DPY19L3: variants seen among roughly 807,000 people sequenced by gnomAD.
DPY19L3 encodes dpy-19 like C-mannosyltransferase 3, also known as protein C-mannosyl-transferase DPY19L3.
In DPY19L3, 51 loss-of-function variants were observed where a neutral mutation model predicts 92.3. The observed-to-expected ratio is 0.55, with a 90% CI of 0.44 to 0.70. DPY19L3 has a LOEUF of 0.70. Ranked by LOEUF, DPY19L3 falls within the 30% of genes least tolerant of loss-of-function variation. The pLI is 0.00. For missense variants in DPY19L3, 706 were observed against 855.9 expected, an observed-to-expected ratio of 0.82 and a Z score of 2.18; for synonymous variants, 309 against 315.2, an observed-to-expected ratio of 0.98 and a Z score of 0.21.
chr19:32,454,877 T>C (rs1969817583), intron 9 of DPY19L3, 62 bp from the exon 10 acceptor site: 1 of 1,089,582 alleles, frequency 9.2e-7, no homozygotes, highest in African/African-American at 1.6e-5. Flanking sequence ...TAAGCTCATC[T>C]TCAGTGTTTA....
At chr19:32,459,635 A>G (rs1289938602) in intron 12 of DPY19L3, among the ~76,000 whole-genome samples, 3 of 152,218 alleles carry the variant, frequency 2.0e-5, no homozygotes, top group Admixed American at 6.5e-5. Flanking sequence ...GCAAGTGTCA[A>G]CAGGACTCTG....
chr19:32,424,841 C>A (rs1968703885), intron 3 of DPY19L3, among the ~76,000 whole-genome samples: 1 of 152,164 alleles, frequency 6.6e-6, no homozygotes, highest in Non-Finnish European at 1.5e-5. Flanking sequence ...ACTTACTATA[C>A]AGCCACAGTA....
chr19:32,421,559 A>G (rs937255023), intron 3 of DPY19L3, among the ~76,000 whole-genome samples: 6 of 148,606 alleles, frequency 4.0e-5, no homozygotes, highest in African/African-American at 1.5e-4. Context: ...ACCTGGGAGG[A>G]GGAGGTTGCA....
intron 3 of DPY19L3, chr19:32,412,953 G>A (rs1393639798): frequency 6.6e-6 from 1 of 151,830 alleles, no homozygotes; most frequent in Non-Finnish European, 1.5e-5. Context: ...AAAAAGTTGA[G>A]GGGGTGGTCT....
chr19:32,479,854 C>G (rs1022026305), intron 17 of DPY19L3, among the ~76,000 whole-genome samples: 4 of 152,186 alleles, frequency 2.6e-5, no homozygotes, highest in Non-Finnish European at 4.4e-5. Context: ...GCAGTGGGGT[C>G]TCTCAATTAG....
chr19:32,476,755 A>G (rs962331004), intron 16 of DPY19L3, among the ~76,000 whole-genome samples: 3 of 152,224 alleles, frequency 2.0e-5, no homozygotes, highest in African/African-American at 4.8e-5. Context: ...TAAACTGCAT[A>G]TAGTTTCTCA....
At chr19:32,459,281 G>A (rs1395683555) in intron 12 of DPY19L3, among the ~76,000 whole-genome samples, 1 of 152,156 alleles carries the variant, frequency 6.6e-6, no homozygotes, top group Non-Finnish European at 1.5e-5. Context: ...TAAACTGAAA[G>A]AAAATTAAGT....
chr19:32,463,503 C>T lies in DPY19L3; in HGVS notation c.1445+15C>T, dbSNP rs1470355134. The T allele has an allele frequency of 1.2e-6, 2 of 1,606,814 alleles. No individual in the cohort carries two copies. Among genetic ancestry groups the T allele is most frequent in the Non-Finnish European group, 1.7e-6 (2 of 1,176,332 alleles). The stretch of plus-strand genomic sequence containing the variant: ...AGTACAATGAGGTATTTTTGTCTTA[C>T]CTGTTTGTTTACTTTTTATTTGATC... On this transcript the variant is annotated intron_variant, in intron 13 of 18. Coordinates refer to ENST00000392250, the MANE Select transcript of DPY19L3 (RefSeq NM_001172774.2).
rs182995154 is a variant in DPY19L3, at chr19:32,410,186, A to C, written c.104-1053A>C. On this transcript the variant is annotated intron_variant, in intron 2 of 18. Coordinates refer to ENST00000392250, the MANE Select transcript of DPY19L3 (RefSeq NM_001172774.2). ...CATTTCTTTAACATTAATGAATTTA[A>C]ACATCTTCAGTCTGTTATTATTATT... Among the ~76,000 whole-genome samples the C allele has an allele frequency of 2.5e-3, 375 of 152,308 alleles. 1 individual carries two copies. Among genetic ancestry groups the C allele is most frequent in the Non-Finnish European group, 4.3e-3 (295 of 68,034 alleles).
intron 4 of DPY19L3, 68 bp downstream of exon 4, chr19:32,432,874 G>A: frequency 1.4e-6 from 2 of 1,390,946 alleles, no homozygotes; most frequent in South Asian, 1.2e-5. Flanking sequence ...GAGAAGTACT[G>A]TGCACTAAAA....
intron 8 of DPY19L3, among the ~76,000 whole-genome samples, chr19:32,450,929 A>G (rs1969679656): frequency 6.6e-6 from 1 of 152,224 alleles, no homozygotes; most frequent in Admixed American, 6.5e-5. Flanking sequence ...AGTTGTACTC[A>G]GGGATCTATC....
intron 1 of DPY19L3, among the ~76,000 whole-genome samples, chr19:32,407,781 G>A (rs1056901778): frequency 1.3e-5 from 2 of 152,198 alleles, no homozygotes; most frequent in African/African-American, 4.8e-5. Context: ...TTGAAGGCCA[G>A]CAACGATTTA....
chr19:32,432,938 A>G lies in DPY19L3; in HGVS notation c.328+132A>G, dbSNP rs573576305. 53 of 667,954 alleles carry G rather than the reference A, an allele frequency of 7.9e-5. No homozygotes were observed. The East Asian group carries it at 1.4e-3, about 18-fold the overall frequency. 41.4% of individuals were successfully genotyped at this position (667,954 alleles called of 1,614,324 possible). A position where few individuals can be genotyped will look rare whatever the true frequency, so the allele number is the denominator to read the frequency against. On this transcript the variant is annotated intron_variant, in intron 4 of 18. Transcript: ENST00000392250. ...TATTTTTCCGTGCTAATGTCTAATC[A>G]TTTCATGAAAATGTTTTTTGCTCTG...
chr19:32,407,606 A>C (rs1968018954), intron 1 of DPY19L3, among the ~76,000 whole-genome samples: 1 of 152,214 alleles, frequency 6.6e-6, no homozygotes. Flanking sequence ...GGAGAAGATC[A>C]GCCGGAACTG....
At chr19:32,440,441 T>C (rs1969287358) in intron 8 of DPY19L3, among the ~76,000 whole-genome samples, 1 of 152,216 alleles carries the variant, frequency 6.6e-6, no homozygotes, top group Non-Finnish European at 1.5e-5. Flanking sequence ...TGATTTTATG[T>C]ATTGCGTACA....
chr19:32,427,293 G>A (rs1402244976), intron 3 of DPY19L3, among the ~76,000 whole-genome samples: 2 of 152,014 alleles, frequency 1.3e-5, no homozygotes, highest in Non-Finnish European at 1.5e-5. Context: ...CCGCACCCCC[G>A]CATTCTTCTT....
chr19:32,485,890 A>G lies in DPY19L3; in HGVS notation c.*3650A>G, dbSNP rs1198908469. On this transcript the variant is annotated 3_prime_UTR_variant, in exon 19 of 19. Transcript: ENST00000392250. ...ACCAAGTAAAGCTCTTTTAAATTAC[A>G]TAAGATGAGTGTCTTGCATTTCTTT... 2.6e-5 allele frequency: 4 copies of G among 152,258 alleles called. No homozygotes were observed. The highest frequency in any genetic ancestry group is 2.1e-4 in the South Asian group (1 of 4,832). The allele number at this position is 152,258 out of a possible 1,614,324, so 9.4% of individuals were successfully genotyped here.
chr19:32,468,357 A>G (rs976458417), intron 15 of DPY19L3: 3 of 1,004,274 alleles, frequency 3.0e-6, no homozygotes, highest in African/African-American at 1.7e-5. Context: ...GTATTAGTTA[A>G]TTACATATTC....
intron 8 of DPY19L3, among the ~76,000 whole-genome samples, chr19:32,444,556 ATACTT>A (rs888455497): frequency 6.6e-6 from 1 of 152,206 alleles, no homozygotes; most frequent in African/African-American, 2.4e-5. Flanking sequence ...ATGCAAAGAA[ATACTT>A]TCGGAAAAAA....
Sources: gnomAD v4.1 joint callset for allele counts (sites outside exome capture counted in the v4.1 genomes callset) on GRCh38, gnomAD v4.1.1 for gene constraint, MANE v1.5 for transcripts, NCBI Gene and HGNC (gene_info 2026-07-23, HGNC 2026-07-21) for gene names.